IL21R: variants seen among roughly 807,000 people sequenced by gnomAD.
IL21R encodes interleukin 21 receptor.
IL21R carries 14 observed loss-of-function variants against 41.3 expected under a neutral mutation model. The observed-to-expected ratio is 0.34, with a 90% CI of 0.22 to 0.53. The LOEUF (loss-of-function observed/expected upper bound fraction) is 0.53. Ranked by LOEUF, IL21R falls within the 20% of genes least tolerant of loss-of-function variation. The probability of loss-of-function intolerance (pLI) is 0.94; values close to 1 mark genes in which losing one functional copy is unlikely to be tolerated. For missense variants in IL21R, 588 were observed against 681.6 expected (o/e 0.86, Z 1.53); for synonymous variants, 286 against 287.6 (o/e 0.99, Z 0.05).
chr16:27,412,267 G>A (rs765579433), intron 1 of IL21R, among the ~76,000 whole-genome samples: 4 of 151,936 alleles, frequency 2.6e-5, no homozygotes, highest in Non-Finnish European at 5.9e-5. Flanking sequence ...TTATTTCTGG[G>A]CTCTCTATTC....
chr16:27,438,363 G>C (rs567477374), intron 4 of IL21R, among the ~76,000 whole-genome samples: 20 of 152,262 alleles, frequency 1.3e-4, no homozygotes, highest in African/African-American at 4.8e-4. Flanking sequence ...CTCCAGGCTG[G>C]AGGTAGAGGG....
Position 27,431,770 on chromosome 16 carries a change from C to T in IL21R, c.49+1650C>T, listed in dbSNP as rs538344036. Among the ~76,000 whole-genome samples, 89 of 152,178 alleles carry T rather than the reference C, an allele frequency of 5.8e-4. 1 individual carries two copies. Among genetic ancestry groups the T allele is most frequent in the Admixed American group, 2.6e-3 (40 of 15,280 alleles). ...GGTTCAAGCAATTCTCATGCCTCAG[C>T]CTCCCGAGCAGCTGGGATAACAGGC... On this transcript the variant is annotated intron_variant, in intron 2 of 8. Coordinates refer to ENST00000337929, the MANE Select transcript of IL21R (RefSeq NM_181078.3).
At chr16:27,413,302 A>G (rs1012864166) in intron 1 of IL21R, among the ~76,000 whole-genome samples, 2 of 152,174 alleles carry the variant, frequency 1.3e-5, no homozygotes, top group African/African-American at 4.8e-5. Flanking sequence ...AATTCTGCAG[A>G]TAAATCCTAC....
Position 27,447,212 on chromosome 16 carries a change from C to A in IL21R, c.867+1124C>A, listed in dbSNP as rs534697051. Among the ~76,000 whole-genome samples, 7 of 152,230 alleles carry A rather than the reference C, an allele frequency of 4.6e-5. No individual in the cohort carries two copies. In the East Asian group the frequency reaches 1.2e-3, roughly 25 times the overall value. On this transcript the variant is annotated intron_variant, in intron 8 of 8. Coordinates refer to ENST00000337929, the MANE Select transcript of IL21R (RefSeq NM_181078.3). Reference sequence around the variant, plus strand: ...CACATTGATTTTGGGTTGATTTTTACCAATACTCATATAGCACTTGCTATA... The same window carrying A: ...CACATTGATTTTGGGTTGATTTTTAACAATACTCATATAGCACTTGCTATA...
intron 1 of IL21R, among the ~76,000 whole-genome samples, chr16:27,417,624 A>G (rs1175244385): frequency 6.7e-6 from 1 of 149,030 alleles, no homozygotes; most frequent in Non-Finnish European, 1.5e-5. Context: ...CCTAGGTGGT[A>G]TAGCCTACTA....
intron 4 of IL21R, among the ~76,000 whole-genome samples, chr16:27,440,248 T>G (rs13331761): frequency 0.35 from 22,860 of 64,410 alleles, 4,200 homozygotes; most frequent in East Asian, 0.46. Flanking sequence ...TATATATATA[T>G]AGAGAGAGAG....
At chr16:27,406,671 C>T (rs1376630819) in intron 1 of IL21R, among the ~76,000 whole-genome samples, 3 of 151,912 alleles carry the variant, frequency 2.0e-5, no homozygotes, top group Non-Finnish European at 4.4e-5. Context: ...ACCCATAACC[C>T]ACCCCTTGCC....
chr16:27,448,328 G>A (rs561638416), intron 8 of IL21R: 62 of 552,418 alleles, frequency 1.1e-4, no homozygotes, highest in Non-Finnish European at 1.5e-4. Flanking sequence ...GGTGACAGGC[G>A]CCTGTAGTCC....
Position 27,450,008 on chromosome 16 carries a change from T to C in IL21R, c.*725T>C, listed in dbSNP as rs368414418. The C allele has an allele frequency of 3.9e-5, 9 of 232,710 alleles. No homozygotes were observed. Among genetic ancestry groups the C allele is most frequent in the East Asian group, 6.0e-5 (1 of 16,530 alleles). 14.4% of individuals were successfully genotyped at this position (232,710 alleles called of 1,614,324 possible). A position where few individuals can be genotyped will look rare whatever the true frequency, so the allele number is the denominator to read the frequency against. ...GAAGGCATGACACACCTGGGGGAAATTGGCGATGTCACCCGTGTACGGTAC... is the reference window on the plus strand; with the variant it reads ...GAAGGCATGACACACCTGGGGGAAACTGGCGATGTCACCCGTGTACGGTAC... On this transcript the variant is annotated 3_prime_UTR_variant, in exon 9 of 9. Transcript: ENST00000337929.
At chr16:27,413,155 A>G (rs573955702) in intron 1 of IL21R, among the ~76,000 whole-genome samples, 1 of 152,064 alleles carries the variant, frequency 6.6e-6, no homozygotes, top group Non-Finnish European at 1.5e-5. Flanking sequence ...AGTTCCTTGA[A>G]TGTTTTCTTT....
chr16:27,445,054 C>A, intron 6 of IL21R, 123 bp from the exon 7 acceptor site: 1 of 694,832 alleles, frequency 1.4e-6, no homozygotes, highest in Non-Finnish European at 2.6e-6. Flanking sequence ...CTTCAAGACA[C>A]TAGCAGTAAC....
chr16:27,426,384 T>C (rs896054093), intron 1 of IL21R, among the ~76,000 whole-genome samples: 7 of 152,200 alleles, frequency 4.6e-5, no homozygotes, highest in African/African-American at 7.2e-5. Context: ...GGATAATTAA[T>C]AGTAGCACCA....
chr16:27,440,279 A>AGAGAGAGAGAGAGAGAGC (rs1567370043), intron 4 of IL21R, among the ~76,000 whole-genome samples: 19 of 131,874 alleles, frequency 1.4e-4, no homozygotes, highest in African/African-American at 5.3e-4. Context: ...AGAGAGAGAG[A>AGAGAGAGAGAGAGAGAGC]GCGAGCAAGC....
At chr16:27,433,719 G>A (rs975481709) in intron 2 of IL21R, among the ~76,000 whole-genome samples, 6 of 152,108 alleles carry the variant, frequency 3.9e-5, no homozygotes, top group Non-Finnish European at 5.9e-5. Context: ...TCTTGGTGGC[G>A]GTGGCATTTT....
At chr16:27,422,382 C>G (rs1266567564) in intron 1 of IL21R, among the ~76,000 whole-genome samples, 1 of 152,070 alleles carries the variant, frequency 6.6e-6, no homozygotes, top group Non-Finnish European at 1.5e-5. Context: ...CTTGTTTTCT[C>G]TCTCTTCTGC....
chr16:27,408,968 T>C (rs1596564713), intron 1 of IL21R, among the ~76,000 whole-genome samples: 1 of 152,136 alleles, frequency 6.6e-6, no homozygotes, highest in Non-Finnish European at 1.5e-5. Flanking sequence ...CTGGTACATG[T>C]CTGCTTGGGC....
intron 1 of IL21R, among the ~76,000 whole-genome samples, chr16:27,417,163 C>CTTTTTTTTT (rs577149386): frequency 7.9e-6 from 1 of 126,624 alleles, no homozygotes; most frequent in Admixed American, 8.6e-5. Flanking sequence ...TTTTTCTTTT[C>CTTTTTTTTT]TTTTTTTTTT....
chr16:27,448,527 CT>C lies in IL21R; in HGVS notation c.868-6del, dbSNP rs2087525571. 3.8e-6 allele frequency: 6 copies of C among 1,583,136 alleles called. No individual in the cohort carries two copies. The East Asian group carries it at 1.3e-4, about 36-fold the overall frequency. On this transcript the variant is annotated splice_polypyrimidine_tract_variant and splice_region_variant and intron_variant, in intron 8 of 8. Coordinates refer to ENST00000337929, the MANE Select transcript of IL21R (RefSeq NM_181078.3). ...GTGCTATGACTCTCTCTTTTTCTCT[CT>C]CACAGAAATGGGTGGGTGCACCCTT...
At chr16:27,414,077 C>A (rs2086859098) in intron 1 of IL21R, among the ~76,000 whole-genome samples, 1 of 151,348 alleles carries the variant, frequency 6.6e-6, no homozygotes, top group African/African-American at 2.4e-5. Context: ...TAATTAGCAC[C>A]TCTAGTATAA....
Sources: gnomAD v4.1 joint callset for allele counts (sites outside exome capture counted in the v4.1 genomes callset) on GRCh38, gnomAD v4.1.1 for gene constraint, MANE v1.5 for transcripts, NCBI Gene and HGNC (gene_info 2026-07-23, HGNC 2026-07-21) for gene names.